FAM120B: variants seen among roughly 807,000 people sequenced by gnomAD.
FAM120B encodes the protein constitutive coactivator of peroxisome proliferator-activated receptor gamma.
Under a neutral mutation model 96.3 loss-of-function variants are expected in FAM120B, and 83 were observed. The observed-to-expected ratio is 0.86, with a 90% CI of 0.72 to 1.03. The LOEUF is 1.03. Ranked by LOEUF, FAM120B falls within the 50% of genes least tolerant of loss-of-function variation. FAM120B has a pLI of 0.00. For missense variants in FAM120B, 1,027 were observed against 1,121.2 expected, an observed-to-expected ratio of 0.92 and a Z score of 1.20; for synonymous variants, 407 against 402.7, an observed-to-expected ratio of 1.01 and a Z score of -0.13.
intron 6 of FAM120B, among the ~76,000 whole-genome samples, chr6:170,376,592 A>T (rs1216006975): frequency 1.3e-5 from 2 of 152,172 alleles, no homozygotes. Flanking sequence ...ACCGGTAAGT[A>T]CCCACTGGGC....
chr6:170,391,292 TGGGAGGCCGA>T (rs1489193880), intron 8 of FAM120B, 171 bp downstream of exon 8: 1 of 569,124 alleles, frequency 1.8e-6, no homozygotes, highest in Non-Finnish European at 3.2e-6. Flanking sequence ...CTCAGCACTT[TGGGAGGCCGA>T]GGCAGGCAGA....
intron 9 of FAM120B, among the ~76,000 whole-genome samples, chr6:170,398,265 T>C (rs10946259): frequency 0.55 from 84,060 of 152,144 alleles, 24,759 homozygotes; most frequent in Non-Finnish European, 0.65. Flanking sequence ...TCTATTCTAT[T>C]TATTGAATGG....
At chr6:170,393,495 T>TA (rs1263253221) in intron 8 of FAM120B, among the ~76,000 whole-genome samples, 1 of 152,260 alleles carries the variant, frequency 6.6e-6, no homozygotes, top group Non-Finnish European at 1.5e-5. Context: ...TCCTGTCATA[T>TA]TATTCCAAGT....
At chr6:170,342,443 C>T (rs1786897918) in intron 4 of FAM120B, among the ~76,000 whole-genome samples, 1 of 152,174 alleles carries the variant, frequency 6.6e-6, no homozygotes, top group African/African-American at 2.4e-5. Context: ...AAACTTATTT[C>T]CATGTAAAAA....
At chr6:170,341,189 A>G (rs1334124984) in intron 4 of FAM120B, among the ~76,000 whole-genome samples, 4 of 152,174 alleles carry the variant, frequency 2.6e-5, no homozygotes, top group Admixed American at 1.3e-4. Flanking sequence ...TGCCTTTCAG[A>G]GATGCCCTAC....
intron 3 of FAM120B, among the ~76,000 whole-genome samples, chr6:170,324,566 T>C (rs1785480360): frequency 6.6e-6 from 1 of 152,224 alleles, no homozygotes; most frequent in Admixed American, 6.5e-5. Flanking sequence ...CATTAAATAA[T>C]AATATTGGAA....
At chr6:170,303,207 C>A (rs535578035), upstream of FAM120B, among the ~76,000 whole-genome samples, 4 of 152,126 alleles carry the variant, frequency 2.6e-5, no homozygotes, top group Non-Finnish European at 5.9e-5. Flanking sequence ...TTATATATTT[C>A]TTTTGTATAT....
intron 6 of FAM120B, among the ~76,000 whole-genome samples, chr6:170,384,904 A>G (rs1217568623): frequency 6.6e-6 from 1 of 152,252 alleles, no homozygotes; most frequent in Non-Finnish European, 1.5e-5. Flanking sequence ...AGCTTTAACA[A>G]AGCCTCTCTC....
At chr6:170,304,053 G>A (rs950609088), upstream of FAM120B, among the ~76,000 whole-genome samples, 1 of 152,140 alleles carries the variant, frequency 6.6e-6, no homozygotes, top group African/African-American at 2.4e-5. Context: ...CTCCTAAGCT[G>A]GGACTTCCTG....
chr6:170,348,344 C>G, intron 5 of FAM120B, 21 bp downstream of exon 5: 1 of 1,609,436 alleles, frequency 6.2e-7, no homozygotes, highest in Non-Finnish European at 8.5e-7. Flanking sequence ...GCTGCCCGTT[C>G]TAGTCACTGC....
upstream of FAM120B, among the ~76,000 whole-genome samples, chr6:170,293,767 TC>T (rs1783937207): frequency 7.4e-6 from 1 of 135,414 alleles, no homozygotes; most frequent in Admixed American, 7.6e-5. Flanking sequence ...CCCATTTCTC[TC>T]CCCCCACCCC....
chr6:170,325,051 A>G (rs1785505291), intron 3 of FAM120B, among the ~76,000 whole-genome samples: 1 of 152,166 alleles, frequency 6.6e-6, no homozygotes, highest in South Asian at 2.1e-4. Flanking sequence ...GGATTTGTCT[A>G]TTTATTCCTT....
upstream of FAM120B, chr6:170,290,794 C>G (rs946039627): frequency 5.3e-6 from 3 of 567,726 alleles, no homozygotes; most frequent in Non-Finnish European, 9.4e-6. The surrounding 1 kb of genome is among the most constrained non-coding windows in gnomAD (Gnocchi z 4.7). Flanking sequence ...TGAATCCAGC[C>G]AATGCCATCC....
intron 9 of FAM120B, among the ~76,000 whole-genome samples, chr6:170,396,318 C>G (rs748033924): frequency 6.6e-6 from 1 of 152,150 alleles, no homozygotes; most frequent in African/African-American, 2.4e-5. Flanking sequence ...GGGTCTGTCT[C>G]GGGTGGAGTC....
At chr6:170,368,389 C>T (rs1788935176) in intron 6 of FAM120B, among the ~76,000 whole-genome samples, 1 of 152,150 alleles carries the variant, frequency 6.6e-6, no homozygotes, top group Non-Finnish European at 1.5e-5. Context: ...AAGATCTTTA[C>T]TCAGTGCTGC....
chr6:170,357,234 G>A lies in FAM120B; in HGVS notation c.2191-992G>A, dbSNP rs138007221. Among the ~76,000 whole-genome samples the A allele has an allele frequency of 2.6e-3, 401 of 152,026 alleles. 1 individual carries two copies. Among genetic ancestry groups the A allele is most frequent in the Middle Eastern group, 0.01 (3 of 294 alleles). On this transcript the variant is annotated intron_variant, in intron 5 of 10. Transcript: ENST00000476287. ...TGCGGCCTTAGGATGCTGTGGAGTC[G>A]TTCAGTCAGCGGGCACGTCCTGCCT... is the stretch of plus-strand genomic sequence containing the variant.
chr6:170,400,460 C>T (rs12212754), intron 9 of FAM120B, among the ~76,000 whole-genome samples: 83,892 of 151,982 alleles, frequency 0.55, 24,683 homozygotes, highest in Non-Finnish European at 0.65. Flanking sequence ...CTTCCAGAGG[C>T]GGCCTGCTGT....
intron 6 of FAM120B, among the ~76,000 whole-genome samples, chr6:170,378,004 TTA>T (rs1347576890): frequency 3.3e-5 from 5 of 151,204 alleles, no homozygotes; most frequent in African/African-American, 9.7e-5. Context: ...AGGGAAATGT[TTA>T]TGTTTTGAGT....
chr6:170,385,058 A>G (rs1030722979), intron 6 of FAM120B, among the ~76,000 whole-genome samples: 1 of 152,240 alleles, frequency 6.6e-6, no homozygotes, highest in Non-Finnish European at 1.5e-5. Context: ...TCCAGTGCAT[A>G]TGGGAAATCT....
Sources: allele counts gnomAD v4.1 joint callset (sites outside exome capture counted in the v4.1 genomes callset), GRCh38; gene constraint gnomAD v4.1.1; non-coding constraint Gnocchi (gnomAD v3.1); transcripts MANE v1.5; gene names NCBI Gene and HGNC (gene_info 2026-07-23, HGNC 2026-07-21).